ISM1: variants seen among roughly 807,000 people sequenced by gnomAD.
The protein encoded by ISM1 is isthmin-1.
ISM1 carries 25 observed loss-of-function variants against 46.3 expected under a neutral mutation model. The observed-to-expected ratio is 0.54, with a 90% confidence interval of 0.39 to 0.75. The LOEUF (loss-of-function observed/expected upper bound fraction) is 0.75. ISM1 is among the 30% of genes least tolerant of loss of function. The pLI is 0.00. For synonymous variants in ISM1, 255 were observed against 256.7 expected (o/e 0.99, Z 0.06); for missense variants, 536 against 625.4 (o/e 0.86, Z 1.52).
chr20:13,224,766 AATAGTTAAGATT>A, intron 1 of ISM1, among the ~76,000 whole-genome samples: 1 of 152,172 alleles, frequency 6.6e-6, no homozygotes, highest in Non-Finnish European at 1.5e-5. Flanking sequence ...AAGCAACAAT[AATAGTTAAGATT>A]TATTAAGTGC....
chr20:13,278,805 G>A (rs182339588), intron 2 of ISM1, among the ~76,000 whole-genome samples: 9 of 152,310 alleles, frequency 5.9e-5, no homozygotes, highest in South Asian at 2.1e-4. Context: ...GAAGATCCAC[G>A]ATGGCCCTAC....
intron 1 of ISM1, among the ~76,000 whole-genome samples, chr20:13,263,530 T>C (rs1454929750): frequency 6.6e-6 from 1 of 152,230 alleles, no homozygotes; most frequent in Admixed American, 6.5e-5. Context: ...TTTTCTTCTT[T>C]TATCTCTTCA....
Position 13,299,517 on chromosome 20 carries a change from ACT to A in ISM1, c.*59_*60del. The A allele has an allele frequency of 6.7e-7, 1 of 1,499,442 alleles. No individual in the cohort carries two copies. The highest frequency in any genetic ancestry group is 9.0e-7 in the Non-Finnish European group (1 of 1,114,006). 92.9% of individuals were successfully genotyped at this position (1,499,442 alleles called of 1,614,324 possible). ...TGGTTCTGGAGCACACACGTGCTGCACTGACGTGCCGACTGGCGCCGAGACCT... is the reference window on the plus strand; with the variant it reads ...TGGTTCTGGAGCACACACGTGCTGCAGACGTGCCGACTGGCGCCGAGACCT... On this transcript the variant is annotated 3_prime_UTR_variant, in exon 6 of 6. Transcript: ENST00000262487. The surrounding 1 kb of genome is among the most constrained non-coding windows in gnomAD (Gnocchi z 5.8).
At position 13,256,626 on chromosome 20, in the gene ISM1, GGA is replaced by G. The variant is rs1392186168; in HGVS notation, c.139-13874_139-13873del. Among the ~76,000 whole-genome samples, 6 of 152,262 alleles carry G rather than the reference GGA, an allele frequency of 3.9e-5. 1 individual carries two copies. The highest frequency in any genetic ancestry group is 1.4e-4 in the African/African-American group (6 of 41,552). ...TTCCATCCTCAAGGTGGACCTTTTT[GGA>G]GAGGCTGGCAATGGTGGTGTTGGTC... is the stretch of plus-strand genomic sequence containing the variant. On this transcript the variant is annotated intron_variant, in intron 1 of 5. Transcript: ENST00000262487.
chr20:13,319,096 GA>G, the ISM1 span, among the ~76,000 whole-genome samples: 1 of 152,196 alleles, frequency 6.6e-6, no homozygotes, highest in East Asian at 1.9e-4. Context: ...TCGATAGTCA[GA>G]GAGAGTATGT....
In ISM1 at chr20:13,288,690, T is replaced by A. The variant is rs1282312233; in HGVS notation, c.787+7T>A. 5.0e-6 allele frequency: 8 copies of A among 1,611,740 alleles called. No homozygotes were observed. The South Asian group carries it at 8.8e-5, about 18-fold the overall frequency. ...GACCGTCCAAACTGCCCAGGTGCGT[T>A]TACCTGAGTGTGTAGCTCCAAGTTC... On this transcript the variant is annotated splice_region_variant and intron_variant, in intron 4 of 5. Transcript: ENST00000262487.
At chr20:13,325,189 G>A in the ISM1 span, among the ~76,000 whole-genome samples, 1 of 152,210 alleles carries the variant, frequency 6.6e-6, no homozygotes, top group African/African-American at 2.4e-5. Context: ...TGGCCCTGGA[G>A]TGTCTCCCTT....
the ISM1 span, among the ~76,000 whole-genome samples, chr20:13,309,858 A>G: frequency 0.1 from 15,951 of 152,144 alleles, 2,782 homozygotes; most frequent in African/African-American, 0.36. Context: ...CATCAAAAAA[A>G]ACTAAGGATG....
chr20:13,298,079 A>T lies in ISM1; in HGVS notation c.878-863A>T, dbSNP rs929653310. ...ATCATATCATCACTTATTTCTTTAT[A>T]TTTTTATTTTTTATTTTTATTATTG... is the stretch of plus-strand genomic sequence containing the variant. On this transcript the variant is annotated intron_variant, in intron 5 of 5. Coordinates refer to ENST00000262487, the MANE Select transcript of ISM1 (RefSeq NM_080826.2). Among the ~76,000 whole-genome samples the T allele has an allele frequency of 3.7e-4, 57 of 152,040 alleles. 1 individual carries two copies. The highest frequency in any genetic ancestry group is 3.5e-3 in the Admixed American group (54 of 15,266).
the ISM1 span, among the ~76,000 whole-genome samples, chr20:13,306,942 A>C: frequency 6.6e-6 from 1 of 152,190 alleles, no homozygotes; most frequent in Non-Finnish European, 1.5e-5. Context: ...AGTGGAGCCC[A>C]AGGCCACCTG....
At chr20:13,276,228 C>G (rs763561776) in intron 2 of ISM1, among the ~76,000 whole-genome samples, 1 of 152,164 alleles carries the variant, frequency 6.6e-6, no homozygotes, top group Non-Finnish European at 1.5e-5. Context: ...GCTCACAAGG[C>G]TTAGAGGACC....
the ISM1 span, among the ~76,000 whole-genome samples, chr20:13,323,742 A>C: frequency 6.6e-6 from 1 of 152,116 alleles, no homozygotes; most frequent in African/African-American, 2.4e-5. Context: ...GAGAGTATTT[A>C]GTATTTATCT....
intron 1 of ISM1, among the ~76,000 whole-genome samples, chr20:13,223,166 A>G: frequency 6.9e-6 from 1 of 144,282 alleles, no homozygotes; most frequent in African/African-American, 2.6e-5. Flanking sequence ...CAAAAAAAAA[A>G]TAAAATAAAA....
intron 5 of ISM1, among the ~76,000 whole-genome samples, 166 bp from the exon 6 acceptor site, chr20:13,298,776 C>T (rs2040431211): frequency 6.6e-6 from 1 of 152,094 alleles, no homozygotes; most frequent in South Asian, 2.1e-4. Flanking sequence ...CAGGGGGCTG[C>T]AGGGGTGTCT....
chr20:13,234,038 G>A (rs896020297), intron 1 of ISM1, among the ~76,000 whole-genome samples: 1 of 152,162 alleles, frequency 6.6e-6, no homozygotes, highest in Admixed American at 6.5e-5. Context: ...GTGTAGTAGT[G>A]AAGTCTGGGC....
intron 3 of ISM1, among the ~76,000 whole-genome samples, chr20:13,280,768 G>A (rs892936686): frequency 6.6e-6 from 1 of 152,196 alleles, no homozygotes; most frequent in Non-Finnish European, 1.5e-5. Context: ...CCCCACCTTG[G>A]TGCAAGGGAG....
chr20:13,231,760 G>A (rs1437613198), intron 1 of ISM1, among the ~76,000 whole-genome samples: 3 of 152,104 alleles, frequency 2.0e-5, no homozygotes, highest in Non-Finnish European at 4.4e-5. Context: ...ATAGTACTGC[G>A]AGGTTCATGG....
intron 1 of ISM1, among the ~76,000 whole-genome samples, chr20:13,264,008 G>T (rs1335595128): frequency 1.3e-5 from 2 of 152,102 alleles, no homozygotes; most frequent in Admixed American, 6.5e-5. Flanking sequence ...CACATTAGGG[G>T]TAATGAGGCC....
intron 1 of ISM1, chr20:13,244,385 T>C (rs1309826001): frequency 2.2e-5 from 2 of 89,222 alleles, no homozygotes; most frequent in Admixed American, 1.1e-4. Context: ...AGATGTCCTA[T>C]GCAAAAAAAA....
Sources: allele counts gnomAD v4.1 joint callset (sites outside exome capture counted in the v4.1 genomes callset), GRCh38; gene constraint gnomAD v4.1.1; non-coding constraint Gnocchi (gnomAD v3.1); transcripts MANE v1.5; gene names NCBI Gene and HGNC (gene_info 2026-07-23, HGNC 2026-07-21).